Variants in HSD17B11 observed in about 807,000 individuals in gnomAD.
The protein encoded by HSD17B11 is estradiol 17-beta-dehydrogenase 11.
A neutral mutation model predicts 27.8 loss-of-function variants in HSD17B11; 22 were observed. The ratio of observed to expected loss-of-function variants is 0.79; its 90% CI spans 0.56 to 1.13. The LOEUF is 1.13. Among genes scored for constraint, HSD17B11 ranks in the 50% most tolerant of loss-of-function variants. HSD17B11 has a pLI of 0.00. For missense variants in HSD17B11, 314 were observed against 351.1 expected, an observed-to-expected ratio of 0.89 and a Z score of 0.84; for synonymous variants, 117 against 132.8, an observed-to-expected ratio of 0.88 and a Z score of 0.82.
chr4:87,354,611 C>A (rs189532499), intron 5 of HSD17B11, among the ~76,000 whole-genome samples: 1 of 150,254 alleles, frequency 6.7e-6, no homozygotes, highest in Admixed American at 6.7e-5. Context: ...GCCACTGCAT[C>A]CAGCCTGGGT....
intron 1 of HSD17B11, among the ~76,000 whole-genome samples, chr4:87,382,766 T>G (rs1720208935): frequency 6.6e-6 from 1 of 152,202 alleles, no homozygotes; most frequent in African/African-American, 2.4e-5. Flanking sequence ...AAATAATGAG[T>G]TAACCACAGT....
intron 1 of HSD17B11, among the ~76,000 whole-genome samples, chr4:87,386,530 C>T (rs551301566): frequency 6.6e-6 from 1 of 152,100 alleles, no homozygotes; most frequent in East Asian, 1.9e-4. Context: ...TTCTAAATTC[C>T]TCCAGAAAAA....
At chr4:87,341,668 C>A (rs1397652233) in intron 5 of HSD17B11, among the ~76,000 whole-genome samples, 1 of 151,998 alleles carries the variant, frequency 6.6e-6, no homozygotes, top group Non-Finnish European at 1.5e-5. Flanking sequence ...CGAGATCAGC[C>A]TAGCCATCAT....
At chr4:87,376,503 CA>C (rs70957230) in intron 2 of HSD17B11, among the ~76,000 whole-genome samples, 800 of 63,170 alleles carry the variant, frequency 0.013, 10 homozygotes, top group Admixed American at 0.094. Flanking sequence ...GATTTCATCT[CA>C]AAAAAAAAAA....
At chr4:87,360,999 G>T (rs1261704934) in intron 4 of HSD17B11, among the ~76,000 whole-genome samples, 2 of 152,048 alleles carry the variant, frequency 1.3e-5, no homozygotes, top group Non-Finnish European at 2.9e-5. Flanking sequence ...ATTATAACAT[G>T]CATATCATGA....
chr4:87,380,470 C>CAAAAAAAAAAAAAAAAAAAAAAAAA (rs759061081), intron 2 of HSD17B11, among the ~76,000 whole-genome samples: 1 of 39,074 alleles, frequency 2.6e-5, no homozygotes, highest in Non-Finnish European at 5.2e-5. Context: ...AAGACTGTCT[C>CAAAAAAAAAAAAAAAAAAAAAAAAA]AAAAAAAAAA....
At chr4:87,358,209 C>T (rs1179647932) in intron 4 of HSD17B11, among the ~76,000 whole-genome samples, 3 of 152,184 alleles carry the variant, frequency 2.0e-5, no homozygotes, top group East Asian at 1.9e-4. Context: ...GATCTGCCCA[C>T]CTCGGCCTCC....
At chr4:87,346,876 T>A (rs894322216) in intron 5 of HSD17B11, among the ~76,000 whole-genome samples, 63 of 151,704 alleles carry the variant, frequency 4.2e-4, no homozygotes, top group African/African-American at 1.2e-3. Context: ...AAAGAAAAAA[T>A]ATATATATGT....
At chr4:87,353,748 A>G (rs1254651055) in intron 5 of HSD17B11, among the ~76,000 whole-genome samples, 2 of 152,244 alleles carry the variant, frequency 1.3e-5, no homozygotes, top group Admixed American at 1.3e-4. Context: ...GCAAGGTTAA[A>G]AAATTCAATT....
At chr4:87,370,492 T>G (rs907448555) in intron 4 of HSD17B11, among the ~76,000 whole-genome samples, 1 of 151,938 alleles carries the variant, frequency 6.6e-6, no homozygotes, top group Non-Finnish European at 1.5e-5. Context: ...CTCAGCTCAC[T>G]GCAACCTCTG....
chr4:87,359,700 C>A (rs1266604622), intron 4 of HSD17B11, among the ~76,000 whole-genome samples: 2 of 152,040 alleles, frequency 1.3e-5, no homozygotes, highest in East Asian at 3.8e-4. Flanking sequence ...CTTCATAATA[C>A]CCCTATAAAA....
intron 2 of HSD17B11, among the ~76,000 whole-genome samples, chr4:87,381,106 G>C (rs967089681): frequency 6.9e-6 from 1 of 145,244 alleles, no homozygotes; most frequent in Non-Finnish European, 1.5e-5. Context: ...AATCGCTTGT[G>C]AACCCGGGAG....
At position 87,347,103 on chromosome 4, in the gene HSD17B11, ATTTTTTTTTTTTCTTTTT is replaced by A. The variant is rs1199789785; in HGVS notation, c.696-6515_696-6498del. On this transcript the variant is annotated intron_variant, in intron 5 of 6. Coordinates refer to ENST00000358290, the MANE Select transcript of HSD17B11 (RefSeq NM_016245.5). The stretch of plus-strand genomic sequence containing the variant: ...TTTAGGGTTGTTTTTAGTATTCTGG[ATTTTTTTTTTTTCTTTTT>A]TTTTTTTTTTTTTTTATTATACTCT... Among the ~76,000 whole-genome samples, 9 of 62,596 alleles carry A rather than the reference ATTTTTTTTTTTTCTTTTT, an allele frequency of 1.4e-4. 1 individual carries two copies. The highest frequency in any genetic ancestry group is 3.5e-4 in the African/African-American group (4 of 11,580). 41.1% of individuals were successfully genotyped at this position (62,596 alleles called of 152,430 possible).
At chr4:87,357,214 A>G in intron 5 of HSD17B11, 65 bp downstream of exon 5, 1 of 1,521,734 alleles carries the variant, frequency 6.6e-7, no homozygotes, top group Non-Finnish European at 8.9e-7. Context: ...ACATTTAGGA[A>G]AACCCACAGA....
intron 1 of HSD17B11, chr4:87,385,706 G>C (rs575017095): frequency 6.6e-6 from 1 of 152,156 alleles, no homozygotes; most frequent in East Asian, 1.9e-4. Flanking sequence ...ACAAGGTCAG[G>C]ATTCTGGGAA....
intron 4 of HSD17B11, among the ~76,000 whole-genome samples, chr4:87,365,202 A>G (rs115707044): frequency 0.064 from 9,816 of 152,248 alleles, 418 homozygotes; most frequent in Non-Finnish European, 0.097. Flanking sequence ...GAAAAACTGT[A>G]TAAGTGCTGA....
chr4:87,342,185 C>T (rs1180678024), intron 5 of HSD17B11, among the ~76,000 whole-genome samples: 1 of 151,934 alleles, frequency 6.6e-6, no homozygotes, highest in Non-Finnish European at 1.5e-5. Flanking sequence ...GAGTCTGAGA[C>T]CAGCCTGGCC....
intron 2 of HSD17B11, among the ~76,000 whole-genome samples, chr4:87,380,678 A>T (rs1720131876): frequency 6.7e-6 from 1 of 150,108 alleles, no homozygotes; most frequent in African/African-American, 2.5e-5. Flanking sequence ...TAACACGGTG[A>T]AATCCCGTCT....
At chr4:87,355,227 G>A (rs1735363510) in intron 5 of HSD17B11, among the ~76,000 whole-genome samples, 1 of 152,050 alleles carries the variant, frequency 6.6e-6, no homozygotes, top group Admixed American at 6.6e-5. Flanking sequence ...TGAGGAAAAT[G>A]ATGTATTATT....
Sources: gnomAD v4.1 joint callset for allele counts (sites outside exome capture counted in the v4.1 genomes callset) on GRCh38, gnomAD v4.1.1 for gene constraint, MANE v1.5 for transcripts, NCBI Gene and HGNC (gene_info 2026-07-23, HGNC 2026-07-21) for gene names.